SUSD1: variants seen among roughly 807,000 people sequenced by gnomAD.
The protein encoded by SUSD1 is sushi domain-containing protein 1.
Under a neutral mutation model 86.9 loss-of-function variants are expected in SUSD1, and 65 were observed. The observed-to-expected ratio is 0.75, with a 90% CI of 0.61 to 0.92. SUSD1 has a LOEUF of 0.92. Among genes scored for constraint, SUSD1 ranks in the 40% least tolerant of loss-of-function variants. The pLI is 0.00. For synonymous variants in SUSD1, 346 were observed against 350.0 expected (o/e 0.99, Z 0.13); for missense variants, 850 against 929.7 (o/e 0.91, Z 1.11).
chr9:112,122,813 CAT>C (rs1468418355), intron 6 of SUSD1, among the ~76,000 whole-genome samples: 2 of 152,190 alleles, frequency 1.3e-5, no homozygotes, highest in Admixed American at 6.5e-5. Context: ...AATGTTGACA[CAT>C]GTTACAACAT....
In SUSD1 at chr9:112,111,982, T is replaced by C. The variant is rs1831120734; in HGVS notation, c.985-142A>G. On this transcript the variant is annotated intron_variant, in intron 7 of 16. Coordinates refer to ENST00000374270, the MANE Select transcript of SUSD1 (RefSeq NM_022486.5). ...GAGCATTCGTAAGGTAAACCTGGTC[T>C]GCTGATAAAGTCTGATCAGCCCAGT... 8 of 801,466 alleles carry C rather than the reference T, an allele frequency of 1.0e-5. No homozygotes were observed. In the Admixed American group the frequency reaches 2.0e-4, roughly 20 times the overall value. 49.6% of individuals were successfully genotyped at this position (801,466 alleles called of 1,614,324 possible).
chr9:112,139,702 G>A (rs775711523), intron 5 of SUSD1, among the ~76,000 whole-genome samples: 16 of 151,014 alleles, frequency 1.1e-4, no homozygotes, highest in Admixed American at 3.3e-4. Context: ...TGGCCACATC[G>A]TTATTTAAAA....
intron 10 of SUSD1, among the ~76,000 whole-genome samples, chr9:112,093,006 C>T (rs1034870781): frequency 6.6e-6 from 1 of 152,056 alleles, no homozygotes; most frequent in African/African-American, 2.4e-5. Flanking sequence ...TCCTTCAAAA[C>T]AAATGAATTT....
intron 1 of SUSD1, among the ~76,000 whole-genome samples, chr9:112,170,766 G>C (rs556459559): frequency 1.3e-5 from 2 of 151,120 alleles, no homozygotes; most frequent in Non-Finnish European, 2.9e-5. Context: ...CTGGAGTGCA[G>C]TGGCATGATC....
chr9:112,115,450 C>T (rs1564308352), intron 6 of SUSD1, among the ~76,000 whole-genome samples: 2 of 152,142 alleles, frequency 1.3e-5, no homozygotes, highest in African/African-American at 2.4e-5. Flanking sequence ...CTGCAGCATT[C>T]CTGGATCTCT....
At chr9:112,167,546 T>A (rs1833874313) in intron 1 of SUSD1, among the ~76,000 whole-genome samples, 1 of 152,242 alleles carries the variant, frequency 6.6e-6, no homozygotes, top group African/African-American at 2.4e-5. Flanking sequence ...GATTTTGTTA[T>A]TATTGTTAGA....
intron 12 of SUSD1, among the ~76,000 whole-genome samples, chr9:112,063,325 A>C (rs187413881): frequency 6.6e-6 from 1 of 152,320 alleles, no homozygotes; most frequent in Admixed American, 6.5e-5. Context: ...CATATTGCTT[A>C]ATGGTCACAG....
intron 6 of SUSD1, among the ~76,000 whole-genome samples, chr9:112,119,680 G>A (rs1302674344): frequency 6.6e-6 from 1 of 152,166 alleles, no homozygotes; most frequent in East Asian, 1.9e-4. Context: ...TGATCTTGAG[G>A]TAAACCGACT....
At chr9:112,134,046 T>C (rs932391537) in intron 5 of SUSD1, among the ~76,000 whole-genome samples, 2 of 151,852 alleles carry the variant, frequency 1.3e-5, no homozygotes, top group South Asian at 4.2e-4. Flanking sequence ...ATGGCTATTA[T>C]TAAAAAGACA....
intron 1 of SUSD1, among the ~76,000 whole-genome samples, chr9:112,161,406 C>T (rs1053432572): frequency 2.0e-5 from 3 of 150,902 alleles, no homozygotes; most frequent in Middle Eastern, 3.4e-3. Flanking sequence ...CATAATGACA[C>T]GCAACCAAAA....
chr9:112,172,196 C>CAA (rs11332622), intron 1 of SUSD1, among the ~76,000 whole-genome samples: 1 of 140,346 alleles, frequency 7.1e-6, no homozygotes, highest in Non-Finnish European at 1.5e-5. Context: ...GAGACTGTCT[C>CAA]AAAAAAAAAA....
chr9:112,148,898 C>T (rs1210740709), intron 3 of SUSD1, among the ~76,000 whole-genome samples: 4 of 138,536 alleles, frequency 2.9e-5, no homozygotes, highest in East Asian at 2.0e-4. Flanking sequence ...AGAGTGAGAC[C>T]CCCCCCTTAA....
intron 10 of SUSD1, among the ~76,000 whole-genome samples, chr9:112,096,572 C>A (rs976792854): frequency 1.1e-4 from 16 of 152,160 alleles, no homozygotes; most frequent in Admixed American, 1.3e-4. Flanking sequence ...GGAGATCTTG[C>A]TCTATTGCCC....
At chr9:112,126,766 C>T (rs1019436526) in intron 5 of SUSD1, among the ~76,000 whole-genome samples, 2 of 152,128 alleles carry the variant, frequency 1.3e-5, no homozygotes, top group Non-Finnish European at 2.9e-5. Flanking sequence ...TTCAGTAGTA[C>T]TGAATTGGGC....
intron 8 of SUSD1, chr9:112,104,902 C>T (rs187589516): frequency 6.6e-6 from 1 of 152,134 alleles, no homozygotes; most frequent in East Asian, 1.9e-4. Flanking sequence ...TTGTGCTCGG[C>T]AGGCAAAGAA....
intron 3 of SUSD1, among the ~76,000 whole-genome samples, chr9:112,144,942 A>C (rs1371937123): frequency 6.6e-6 from 1 of 152,082 alleles, no homozygotes; most frequent in Non-Finnish European, 1.5e-5. Context: ...TGACTTTAAA[A>C]CTTTAAGAAT....
chr9:112,120,988 A>AATTCAGCAT (rs1831532239), intron 6 of SUSD1, among the ~76,000 whole-genome samples: 2 of 152,176 alleles, frequency 1.3e-5, no homozygotes, highest in East Asian at 3.8e-4. Flanking sequence ...GGAGGCAGCT[A>AATTCAGCAT]CCTCACCTCC....
At chr9:112,131,867 T>C (rs1832049746) in intron 5 of SUSD1, among the ~76,000 whole-genome samples, 1 of 152,240 alleles carries the variant, frequency 6.6e-6, no homozygotes, top group Non-Finnish European at 1.5e-5. Context: ...GCTGGGAATT[T>C]TCCCTTACTT....
intron 8 of SUSD1, among the ~76,000 whole-genome samples, chr9:112,110,090 T>TATA (rs1404599578): frequency 6.6e-6 from 1 of 152,174 alleles, no homozygotes; most frequent in East Asian, 1.9e-4. Flanking sequence ...GGTTCACGCC[T>TATA]ATAATCCCAG....
Sources: allele counts gnomAD v4.1 joint callset (sites outside exome capture counted in the v4.1 genomes callset), GRCh38; gene constraint gnomAD v4.1.1; transcripts MANE v1.5; gene names NCBI Gene and HGNC (gene_info 2026-07-23, HGNC 2026-07-21).